The following UBE2Q2 variants were observed in gnomAD, a reference collection of about 807,000 sequenced individuals.
UBE2Q2 encodes ubiquitin conjugating enzyme E2 Q2.
In UBE2Q2, 54 loss-of-function variants were observed where a neutral mutation model predicts 59.9. The observed-to-expected ratio is 0.90, with a 90% CI of 0.72 to 1.13. UBE2Q2 has a LOEUF of 1.13. Ranked by LOEUF, UBE2Q2 falls within the 50% of genes most tolerant of loss-of-function variation. UBE2Q2 has a pLI of 0.00. For missense variants in UBE2Q2, 433 were observed against 441.9 expected (o/e 0.98, Z 0.18); for synonymous variants, 165 against 155.2 (o/e 1.06, Z -0.47).
chr15:75,873,734 C>T (rs1376465990), intron 5 of UBE2Q2, among the ~76,000 whole-genome samples, 166 bp downstream of exon 5: 1 of 152,196 alleles, frequency 6.6e-6, no homozygotes, highest in African/African-American at 2.4e-5. Context: ...GCTCTGTCGC[C>T]TAGGCTAGAG....
intron 11 of UBE2Q2, among the ~76,000 whole-genome samples, chr15:75,895,507 T>C (rs1171096606): frequency 6.6e-6 from 1 of 151,862 alleles, no homozygotes; most frequent in African/African-American, 2.4e-5. Flanking sequence ...AAAGAGCTCT[T>C]AGATGTTGAA....
At chr15:75,865,802 T>G (rs1161047732) in intron 3 of UBE2Q2, among the ~76,000 whole-genome samples, 1 of 138,124 alleles carries the variant, frequency 7.2e-6, no homozygotes, top group Non-Finnish European at 1.7e-5. Flanking sequence ...TAATATCTGG[T>G]TGTTTTTTTT....
rs1202567558 is a variant in UBE2Q2, at chr15:75,900,556, T to A, written c.*1098T>A. 1.1e-4 allele frequency: 6 copies of A among 56,062 alleles called. No homozygotes were observed. Among genetic ancestry groups the A allele is most frequent in the Non-Finnish European group, 1.4e-4 (4 of 28,028 alleles). The allele number at this position is 56,062 out of a possible 1,614,324, so 3.5% of individuals were successfully genotyped here. On this transcript the variant is annotated 3_prime_UTR_variant, in exon 13 of 13. Coordinates refer to ENST00000267938, the MANE Select transcript of UBE2Q2 (RefSeq NM_173469.4). ...GTTTGATTTAAAAGTAAATTCTAGTTCTTAAGCACTTTTAACAAATCCAGA... is the reference window on the plus strand; with the variant it reads ...GTTTGATTTAAAAGTAAATTCTAGTACTTAAGCACTTTTAACAAATCCAGA...
In UBE2Q2 at chr15:75,879,156, A is replaced by G; in HGVS notation, c.793A>G (p.Ile265Val). 1.9e-6 allele frequency: 3 copies of G among 1,601,772 alleles called. No individual in the cohort carries two copies. The highest frequency in any genetic ancestry group is 1.7e-5 in the Admixed American group (1 of 58,224). The change falls in exon 8 of 13, where the codon ATA becomes GTA. Residue 265 changes from isoleucine to valine, a missense_variant. Physicochemically the swap from Ile to Val is conservative, Grantham distance 29. Coordinates refer to ENST00000267938, the MANE Select transcript of UBE2Q2 (RefSeq NM_173469.4). ...DLQILKEKEG[I>V]EYILLNFSFK... Reference sequence around the variant, plus strand: ...TCAGATCTTAAAAGAAAAAGAAGGCATAGAATATATTTTGCTTAACTTCTC... The same window carrying G: ...TCAGATCTTAAAAGAAAAAGAAGGCGTAGAATATATTTTGCTTAACTTCTC...
chr15:75,884,289 C>T (rs1179499283), intron 9 of UBE2Q2, among the ~76,000 whole-genome samples: 1 of 152,118 alleles, frequency 6.6e-6, no homozygotes, highest in Non-Finnish European at 1.5e-5. Flanking sequence ...TCCAGCCTTT[C>T]CTTTGATCAT....
intron 11 of UBE2Q2, among the ~76,000 whole-genome samples, chr15:75,893,329 AC>A (rs1429857440): frequency 2.0e-5 from 3 of 152,226 alleles, no homozygotes; most frequent in Non-Finnish European, 4.4e-5. Context: ...TTAGTATCAA[AC>A]AAAATAGGAT....
At chr15:75,865,401 C>A (rs1391264093) in intron 3 of UBE2Q2, among the ~76,000 whole-genome samples, 1 of 152,178 alleles carries the variant, frequency 6.6e-6, no homozygotes, top group Non-Finnish European at 1.5e-5. Flanking sequence ...TTTGAATACA[C>A]CCTACCATTT....
In UBE2Q2 at chr15:75,899,791, CTTTCCTATA is replaced by C. The variant is rs1431608228; in HGVS notation, c.*336_*344del. 2 of 179,670 alleles carry C rather than the reference CTTTCCTATA, an allele frequency of 1.1e-5. No individual in the cohort carries two copies. The highest frequency in any genetic ancestry group is 4.7e-5 in the African/African-American group (2 of 42,172). 11.1% of individuals were successfully genotyped at this position (179,670 alleles called of 1,614,324 possible). On this transcript the variant is annotated 3_prime_UTR_variant, in exon 13 of 13. Coordinates refer to ENST00000267938, the MANE Select transcript of UBE2Q2 (RefSeq NM_173469.4). ...TACTGAAGTTGAGGCTTTAGGGTAA[CTTTCCTATA>C]TTGAGCCCATGGGTTACAAGGATTT...
chr15:75,886,389 G>A (rs1898770885), intron 9 of UBE2Q2, among the ~76,000 whole-genome samples: 3 of 151,996 alleles, frequency 2.0e-5, no homozygotes, highest in African/African-American at 7.2e-5. Context: ...CAAAGTGCTA[G>A]GATTATGGCA....
chr15:75,890,459 A>G lies in UBE2Q2; in HGVS notation c.909A>G (p.Leu303=), dbSNP rs771587281. Residue 303 remains leucine (L), a synonymous_variant, in exon 10 of 13, where the codon TTA becomes TTG. Coordinates refer to ENST00000267938, the MANE Select transcript of UBE2Q2 (RefSeq NM_173469.4). ...SGGYVLGGGA[L]CMELLTKQGW... is the part of the protein sequence containing the mutation. ...GGTATGTATTGGGTGGAGGAGCATT[A>G]TGTATGGAACTTCTCACAAAACAGG... The G allele has an allele frequency of 1.9e-6, 3 of 1,608,198 alleles. No individual in the cohort carries two copies. The highest frequency in any genetic ancestry group is 2.2e-5 in the South Asian group (2 of 89,086).
At chr15:75,870,228 A>G in intron 4 of UBE2Q2, among the ~76,000 whole-genome samples, 1 of 152,072 alleles carries the variant, frequency 6.6e-6, no homozygotes, top group East Asian at 1.9e-4. Flanking sequence ...CCCCATGCCA[A>G]GCTTTTTAAA....
chr15:75,845,417 G>T (rs1352785650), intron 1 of UBE2Q2, among the ~76,000 whole-genome samples: 1 of 152,218 alleles, frequency 6.6e-6, no homozygotes, highest in Non-Finnish European at 1.5e-5. Context: ...AACAGAAAGT[G>T]TAGTAGTTGT....
intron 9 of UBE2Q2, among the ~76,000 whole-genome samples, chr15:75,884,620 A>G (rs1461007920): frequency 6.6e-6 from 1 of 152,132 alleles, no homozygotes; most frequent in Non-Finnish European, 1.5e-5. Context: ...TGCTGAGCTC[A>G]TTTTGAGTTC....
chr15:75,886,913 G>T (rs1898809689), intron 9 of UBE2Q2, among the ~76,000 whole-genome samples: 1 of 149,686 alleles, frequency 6.7e-6, no homozygotes, highest in Admixed American at 6.6e-5. Flanking sequence ...TTATAAAATT[G>T]GCCAGTATAG....
At position 75,856,269 on chromosome 15, in the gene UBE2Q2, G is replaced by GTGTGTATATATATATA. The variant is rs1256142539; in HGVS notation, c.282+1783_282+1784insGTGTATATATATATAT. Among the ~76,000 whole-genome samples the GTGTGTATATATATATA allele has an allele frequency of 1.1e-3, 148 of 139,264 alleles. 1 individual carries two copies. Among genetic ancestry groups the GTGTGTATATATATATA allele is most frequent in the African/African-American group, 3.8e-3 (138 of 36,448 alleles). 91.4% of individuals were successfully genotyped at this position (139,264 alleles called of 152,430 possible). A position where few individuals can be genotyped will look rare whatever the true frequency, so the allele number is the denominator to read the frequency against. The stretch of plus-strand genomic sequence containing the variant: ...TACGTGTGTGTGTGTGTGTGTGTGT[G>GTGTGTATATATATATA]TATATATATATATATATATATATAA... On this transcript the variant is annotated intron_variant, in intron 2 of 12. Coordinates refer to ENST00000267938, the MANE Select transcript of UBE2Q2 (RefSeq NM_173469.4).
chr15:75,853,522 ATG>A (rs1243360180), intron 1 of UBE2Q2, among the ~76,000 whole-genome samples: 1 of 151,650 alleles, frequency 6.6e-6, no homozygotes, highest in Non-Finnish European at 1.5e-5. Flanking sequence ...GTATGTATGT[ATG>A]TGTGTATATA....
Position 75,852,851 on chromosome 15 carries a change from G to C in UBE2Q2, c.181-1535G>C, listed in dbSNP as rs1334035809. On this transcript the variant is annotated intron_variant, in intron 1 of 12. Coordinates refer to ENST00000267938, the MANE Select transcript of UBE2Q2 (RefSeq NM_173469.4). ...ATAGTAAATAACCCATTATTGACCAGGTATACTATTAATGATGTCCTCCAT... is the reference window on the plus strand; with the variant it reads ...ATAGTAAATAACCCATTATTGACCACGTATACTATTAATGATGTCCTCCAT... 3.9e-5 allele frequency among the ~76,000 whole-genome samples: 6 copies of C among 152,254 alleles called. No homozygotes were observed. In the East Asian group the frequency reaches 1.2e-3, roughly 29 times the overall value.
chr15:75,896,296 C>T (rs896550946), intron 11 of UBE2Q2, among the ~76,000 whole-genome samples: 5 of 152,176 alleles, frequency 3.3e-5, no homozygotes, highest in Non-Finnish European at 7.3e-5. Flanking sequence ...AGGATGTAGA[C>T]ATTTTTGAGT....
chr15:75,846,088 A>G (rs1208579730), intron 1 of UBE2Q2, among the ~76,000 whole-genome samples: 3 of 152,252 alleles, frequency 2.0e-5, no homozygotes, highest in Admixed American at 6.5e-5. Context: ...AAAGTTGAAC[A>G]GTGTAATGTA....
Sources: allele counts gnomAD v4.1 joint callset (sites outside exome capture counted in the v4.1 genomes callset), GRCh38; gene constraint gnomAD v4.1.1; transcripts MANE v1.5; gene names NCBI Gene and HGNC (gene_info 2026-07-23, HGNC 2026-07-21).